Variants in PLXDC2 observed in about 807,000 individuals in gnomAD.
PLXDC2 encodes the protein plexin domain-containing protein 2.
Under a neutral mutation model 68.9 loss-of-function variants are expected in PLXDC2, and 40 were observed. That is an observed-to-expected ratio of 0.58 (90% CI 0.45 to 0.76). The LOEUF (loss-of-function observed/expected upper bound fraction) is 0.76. Among genes scored for constraint, PLXDC2 ranks in the 30% least tolerant of loss-of-function variants. PLXDC2 has a pLI of 0.00. For synonymous variants in PLXDC2, 243 were observed against 234.2 expected (o/e 1.04, Z -0.34); for missense variants, 644 against 661.9 (o/e 0.97, Z 0.30).
At chr10:20,119,178 G>T (rs1236258836) in intron 4 of PLXDC2, among the ~76,000 whole-genome samples, 1 of 152,084 alleles carries the variant, frequency 6.6e-6, no homozygotes, top group African/African-American at 2.4e-5. Context: ...GAAGGGAAAG[G>T]GTGATGCATT....
At chr10:20,246,601 T>C (rs576436219) in intron 13 of PLXDC2, among the ~76,000 whole-genome samples, 2 of 152,198 alleles carry the variant, frequency 1.3e-5, no homozygotes, top group Non-Finnish European at 2.9e-5. Flanking sequence ...CCTCCCGCCT[T>C]GGCCTCCCAA....
At chr10:19,941,974 GAAAA>G (rs199597958) in intron 1 of PLXDC2, among the ~76,000 whole-genome samples, 3 of 111,740 alleles carry the variant, frequency 2.7e-5, no homozygotes, top group Admixed American at 9.0e-5. Context: ...GACATTTAGA[GAAAA>G]AAAAAAAAAA....
Position 19,947,004 on chromosome 10 carries a change from G to A in PLXDC2, c.113-54771G>A, listed in dbSNP as rs140134486. ...GTCGGGTCCATGGCCCTGGGGTTGG[G>A]GGCCTCTGATCTCAAGGGTCCTTAT... On this transcript the variant is annotated intron_variant, in intron 1 of 13. Transcript: ENST00000377252. 2.0e-4 allele frequency among the ~76,000 whole-genome samples: 30 copies of A among 152,206 alleles called. No individual in the cohort carries two copies. In the East Asian group the frequency reaches 5.8e-3, roughly 29 times the overall value.
chr10:20,044,114 T>C (rs1211747512), intron 2 of PLXDC2, among the ~76,000 whole-genome samples: 1 of 129,536 alleles, frequency 7.7e-6, no homozygotes, highest in Non-Finnish European at 1.7e-5. Flanking sequence ...CTTCCTTCCT[T>C]CCTTCCTTCC....
At chr10:19,988,021 A>G (rs1834678068) in intron 1 of PLXDC2, among the ~76,000 whole-genome samples, 1 of 152,130 alleles carries the variant, frequency 6.6e-6, no homozygotes, top group African/African-American at 2.4e-5. Flanking sequence ...CCACCAAATA[A>G]TTACACTTTT....
chr10:19,917,390 T>A (rs1225465726), intron 1 of PLXDC2, among the ~76,000 whole-genome samples: 5 of 152,118 alleles, frequency 3.3e-5, no homozygotes, highest in Non-Finnish European at 5.9e-5. Context: ...CCATGATACT[T>A]CAAATCCATC....
At chr10:20,006,318 CA>C (rs1835028463) in intron 2 of PLXDC2, among the ~76,000 whole-genome samples, 1 of 152,194 alleles carries the variant, frequency 6.6e-6, no homozygotes, top group South Asian at 2.1e-4. Flanking sequence ...GGCATTGTTA[CA>C]AGGTCTTGCT....
intron 4 of PLXDC2, among the ~76,000 whole-genome samples, chr10:20,136,373 G>A (rs1223476159): frequency 6.6e-6 from 1 of 152,128 alleles, no homozygotes; most frequent in Non-Finnish European, 1.5e-5. Flanking sequence ...TATTAAAGAA[G>A]GTAGTTTATA....
chr10:20,166,284 C>T (rs1319102253), intron 7 of PLXDC2, among the ~76,000 whole-genome samples: 2 of 152,066 alleles, frequency 1.3e-5, no homozygotes, highest in African/African-American at 4.8e-5. Flanking sequence ...GGCATTGATA[C>T]GTGGTGGTTC....
At chr10:20,209,611 G>C (rs146698128) in intron 9 of PLXDC2, among the ~76,000 whole-genome samples, 1 of 151,884 alleles carries the variant, frequency 6.6e-6, no homozygotes, top group African/African-American at 2.4e-5. Context: ...GCTGTGTTCC[G>C]CCCGGCTCAC....
At position 20,165,206 on chromosome 10, in the gene PLXDC2, C is replaced by T. The variant is rs538450701; in HGVS notation, c.883+639C>T. ...AGTGACAGATTATTGGATTGATAGG[C>T]ATATGACTTTTCATATATGTTTGGC... On this transcript the variant is annotated intron_variant, in intron 7 of 13. Transcript: ENST00000377252. 5.3e-5 allele frequency among the ~76,000 whole-genome samples: 8 copies of T among 152,160 alleles called. No homozygotes were observed. In the South Asian group the frequency reaches 1.7e-3, roughly 32 times the overall value.
chr10:19,888,455 A>G (rs150483526), intron 1 of PLXDC2, among the ~76,000 whole-genome samples: 39 of 152,282 alleles, frequency 2.6e-4, no homozygotes, highest in African/African-American at 9.4e-4. Context: ...AGAGAGTTAG[A>G]CCTACAATGA....
chr10:19,957,976 C>G (rs910211388), intron 1 of PLXDC2, among the ~76,000 whole-genome samples: 17 of 151,996 alleles, frequency 1.1e-4, no homozygotes, highest in African/African-American at 3.9e-4. Flanking sequence ...GTGATCTCCT[C>G]AAGGTGAAAT....
At chr10:20,187,814 A>G (rs1187697370) in intron 9 of PLXDC2, among the ~76,000 whole-genome samples, 2 of 151,934 alleles carry the variant, frequency 1.3e-5, no homozygotes, top group Non-Finnish European at 2.9e-5. Flanking sequence ...TTTCTTACAG[A>G]AATATTAAAA....
intron 1 of PLXDC2, among the ~76,000 whole-genome samples, chr10:19,895,391 A>G (rs1401819199): frequency 6.6e-6 from 1 of 152,214 alleles, no homozygotes; most frequent in Non-Finnish European, 1.5e-5. Flanking sequence ...CTTCCTGTGC[A>G]ATTCTAAATT....
chr10:19,982,895 T>C (rs923587684), intron 1 of PLXDC2, among the ~76,000 whole-genome samples: 1 of 152,154 alleles, frequency 6.6e-6, no homozygotes. Flanking sequence ...GAACAGTAGA[T>C]CTGAAAGTCC....
chr10:20,110,019 C>CA (rs1390615312), intron 4 of PLXDC2, among the ~76,000 whole-genome samples: 13 of 152,076 alleles, frequency 8.5e-5, no homozygotes, highest in Admixed American at 6.5e-5. Context: ...AGTCAACACA[C>CA]AAAAAATATA....
chr10:20,158,492 C>G (rs1834245946), intron 6 of PLXDC2, among the ~76,000 whole-genome samples: 1 of 112,296 alleles, frequency 8.9e-6, no homozygotes, highest in Non-Finnish European at 1.7e-5. Context: ...TAATGAGACT[C>G]TGTCTCTGCA....
chr10:20,021,306 T>C (rs61276408), intron 2 of PLXDC2, among the ~76,000 whole-genome samples: 2,768 of 152,272 alleles, frequency 0.018, 68 homozygotes, highest in African/African-American at 0.06. Context: ...GCGCAGAATG[T>C]GCAGATTTAT....
Sources: gnomAD v4.1 joint callset for allele counts (sites outside exome capture counted in the v4.1 genomes callset) on GRCh38, gnomAD v4.1.1 for gene constraint, MANE v1.5 for transcripts, NCBI Gene and HGNC (gene_info 2026-07-23, HGNC 2026-07-21) for gene names.